The following AGXT2 variants were observed in gnomAD, a reference collection of about 807,000 sequenced individuals.
AGXT2 encodes alanine--glyoxylate aminotransferase 2, also known as alanine--glyoxylate aminotransferase 2, mitochondrial.
In AGXT2, 61 loss-of-function variants were observed where a neutral mutation model predicts 62.5. That is an observed-to-expected ratio of 0.98 (90% CI 0.79 to 1.21). The LOEUF is 1.21. AGXT2 is among the 50% of genes most tolerant of loss of function. The pLI is 0.00. For missense variants in AGXT2, 666 were observed against 641.5 expected, an observed-to-expected ratio of 1.04 and a Z score of -0.41; for synonymous variants, 243 against 218.7, an observed-to-expected ratio of 1.11 and a Z score of -0.98.
chr5:35,003,053 T>C (rs1766291719), intron 13 of AGXT2, among the ~76,000 whole-genome samples: 1 of 152,190 alleles, frequency 6.6e-6, no homozygotes, highest in Admixed American at 6.5e-5. Flanking sequence ...AGCCCATCCC[T>C]GGGGAGAGGC....
chr5:35,046,694 A>G (rs1335648811), intron 1 of AGXT2, among the ~76,000 whole-genome samples: 4 of 152,164 alleles, frequency 2.6e-5, no homozygotes, highest in African/African-American at 9.7e-5. Flanking sequence ...TAAGAAAGCG[A>G]AGAGGAGAGG....
intron 9 of AGXT2, among the ~76,000 whole-genome samples, chr5:35,016,811 T>G (rs1766864112): frequency 6.6e-6 from 1 of 152,158 alleles, no homozygotes; most frequent in Non-Finnish European, 1.5e-5. Context: ...GAAGTATCAG[T>G]TTCATAGACT....
intron 9 of AGXT2, among the ~76,000 whole-genome samples, chr5:35,017,481 T>A (rs1766888282): frequency 6.6e-6 from 1 of 152,160 alleles, no homozygotes; most frequent in Admixed American, 6.6e-5. Flanking sequence ...GGTGAATAAG[T>A]CTCACAAGAT....
rs1258201138 is a variant in AGXT2, at chr5:35,038,815, C to A, written c.362+509G>T. Among the ~76,000 whole-genome samples, 13 of 152,198 alleles carry A rather than the reference C, an allele frequency of 8.5e-5. 1 individual carries two copies. The highest frequency in any genetic ancestry group is 1.9e-4 in the Non-Finnish European group (13 of 68,048). ...ATACCGTCAACACTGCAGACAATCTCTAGATTAATTGATCCATACATTTCC... is the reference window on the plus strand; with the variant it reads ...ATACCGTCAACACTGCAGACAATCTATAGATTAATTGATCCATACATTTCC... On this transcript the variant is annotated intron_variant, in intron 3 of 13. Coordinates refer to ENST00000231420, the MANE Select transcript of AGXT2 (RefSeq NM_031900.4).
chr5:35,031,957 T>A (rs199855614), intron 7 of AGXT2, among the ~76,000 whole-genome samples: 22,571 of 137,898 alleles, frequency 0.16, 1,846 homozygotes, highest in East Asian at 0.41. Context: ...TTTTTTTTTT[T>A]TTTTTTTTTT....
At chr5:35,007,537 G>A (rs1175829169) in intron 12 of AGXT2, among the ~76,000 whole-genome samples, 3 of 152,138 alleles carry the variant, frequency 2.0e-5, no homozygotes, top group Non-Finnish European at 4.4e-5. Flanking sequence ...GGAGAATACT[G>A]TGTTCCATGG....
intron 8 of AGXT2, 169 bp from the exon 9 acceptor site, chr5:35,026,024 T>C: frequency 1.5e-6 from 1 of 669,334 alleles, no homozygotes; most frequent in Non-Finnish European, 2.7e-6. Context: ...CTTATTACTC[T>C]ATACCATGAC....
intron 9 of AGXT2, among the ~76,000 whole-genome samples, chr5:35,024,594 TG>T: frequency 6.6e-6 from 1 of 152,338 alleles, no homozygotes; most frequent in African/African-American, 2.4e-5. Flanking sequence ...TTACAATTTT[TG>T]GGGAACTATT....
intron 7 of AGXT2, 31 bp from the exon 8 acceptor site, chr5:35,026,541 A>T: frequency 6.4e-7 from 1 of 1,562,024 alleles, no homozygotes; most frequent in East Asian, 2.3e-5. Context: ...AACAAAACAA[A>T]CCACAGCATT....
intron 1 of AGXT2, among the ~76,000 whole-genome samples, chr5:35,047,280 G>T (rs559212880): frequency 1.1e-4 from 17 of 152,176 alleles, no homozygotes; most frequent in African/African-American, 4.1e-4. Context: ...GTCTACAAAA[G>T]TTAAAAAAGA....
rs955256876 is a variant in AGXT2 at position 34,998,494 on chromosome 5, A to T, written c.*225T>A. 3.4e-6 allele frequency: 2 copies of T among 592,520 alleles called. No individual in the cohort carries two copies. The highest frequency in any genetic ancestry group is 6.0e-6 in the Non-Finnish European group (2 of 333,854). The allele number at this position is 592,520 out of a possible 1,614,324, so 36.7% of individuals were successfully genotyped here. ...ACCTAACATAAACTAATTAGGATTT[A>T]TTCTCTGAGCTAGGGAGATCCTTTC... is the stretch of plus-strand genomic sequence containing the variant. On this transcript the variant is annotated 3_prime_UTR_variant, in exon 14 of 14. Coordinates refer to ENST00000231420, the MANE Select transcript of AGXT2 (RefSeq NM_031900.4).
intron 12 of AGXT2, among the ~76,000 whole-genome samples, chr5:35,008,280 C>T (rs555183182): frequency 9.2e-5 from 14 of 152,196 alleles, no homozygotes; most frequent in Middle Eastern, 3.4e-3. Flanking sequence ...TTTGTATGAA[C>T]GGTCATCTGG....
chr5:35,032,424 C>T (rs958661827), intron 7 of AGXT2, among the ~76,000 whole-genome samples: 3 of 152,194 alleles, frequency 2.0e-5, no homozygotes, highest in African/African-American at 7.2e-5. Flanking sequence ...AGAGCTATTG[C>T]TATTATAATA....
At chr5:35,010,488 G>A (rs973426417) in intron 11 of AGXT2, among the ~76,000 whole-genome samples, 3 of 151,976 alleles carry the variant, frequency 2.0e-5, no homozygotes, top group Non-Finnish European at 4.4e-5. Flanking sequence ...GACCAGCCTG[G>A]CCAATAGGGT....
intron 12 of AGXT2, among the ~76,000 whole-genome samples, chr5:35,005,004 A>G (rs1766370364): frequency 6.6e-6 from 1 of 152,226 alleles, no homozygotes; most frequent in South Asian, 2.1e-4. Context: ...AGACTATTGG[A>G]TCAGAAAGGA....
At chr5:35,009,935 A>G (rs1766563193) in intron 12 of AGXT2, 65 bp downstream of exon 12, 1 of 1,604,724 alleles carries the variant, frequency 6.2e-7, no homozygotes, top group East Asian at 2.2e-5. Flanking sequence ...AGTTTAGCTG[A>G]TGTTTCCTCC....
chr5:35,043,743 T>C (rs1391969080), intron 1 of AGXT2, among the ~76,000 whole-genome samples: 2 of 152,114 alleles, frequency 1.3e-5, no homozygotes, highest in African/African-American at 4.8e-5. Flanking sequence ...TTACATGGAG[T>C]GCAGTGGTGG....
rs150615567 is a variant in AGXT2 at position 35,003,905 on chromosome 5, G to A, written c.1339-44C>T. ...AATTCTTTCTATTTGGTGTTGGAAT[G>A]GTTAAAGGAATTATTTGCAAGAGAG... On this transcript the variant is annotated intron_variant, in intron 12 of 13. Transcript: ENST00000231420. 487 of 1,580,590 alleles carry A rather than the reference G, an allele frequency of 3.1e-4. 5 individuals carry two copies. In the African/African-American group the frequency reaches 5.9e-3, roughly 19 times the overall value.
rs768843248 is a variant in AGXT2, at chr5:35,003,787, A to G, written c.1413T>C (p.Val471=). 1.9e-6 allele frequency: 3 copies of G among 1,614,214 alleles called. No individual in the cohort carries two copies. In the South Asian group the frequency reaches 3.3e-5, roughly 18 times the overall value. The change falls in exon 13 of 14, where the codon GTT becomes GTC. Residue 471 remains valine, a synonymous_variant. Coordinates refer to ENST00000231420, the MANE Select transcript of AGXT2 (RefSeq NM_031900.4). The part of the protein sequence containing the change: ...HEDCKHMGLL[V]GRGSIFSQTF... Reference sequence around the variant, plus strand: ...CCTGAGAAAAAATGCTGCCTCTGCCAACGAGGAGTCCCATGTGCTTGCAGT... The same window carrying G: ...CCTGAGAAAAAATGCTGCCTCTGCCGACGAGGAGTCCCATGTGCTTGCAGT...
Sources: gnomAD v4.1 joint callset for allele counts (sites outside exome capture counted in the v4.1 genomes callset) on GRCh38, gnomAD v4.1.1 for gene constraint, MANE v1.5 for transcripts, NCBI Gene and HGNC (gene_info 2026-07-23, HGNC 2026-07-21) for gene names.